GCLM: variants seen among roughly 807,000 people sequenced by gnomAD.
GCLM encodes the protein glutamate--cysteine ligase regulatory subunit.
GCLM carries 15 observed loss-of-function variants against 36.0 expected under a neutral mutation model. The observed-to-expected ratio is 0.42, with a 90% confidence interval of 0.28 to 0.64. The LOEUF is 0.64. GCLM is among the 30% of genes least tolerant of loss of function. The pLI is 0.25. For synonymous variants in GCLM, 129 were observed against 122.8 expected, an observed-to-expected ratio of 1.05 and a Z score of -0.34; for missense variants, 242 against 325.5, an observed-to-expected ratio of 0.74 and a Z score of 1.97.
rs540778133 is a variant in GCLM, at chr1:93,902,331, G to C, written c.193-662C>G. On this transcript the variant is annotated intron_variant, in intron 2 of 6. Coordinates refer to ENST00000370238, the MANE Select transcript of GCLM (RefSeq NM_002061.4). ...GTAGCTGGGACTACAGGTGCACGCC[G>C]CCACGCCTGACTAATTTTTTGTATT... is the stretch of plus-strand genomic sequence containing the variant. 1.2e-4 allele frequency among the ~76,000 whole-genome samples: 18 copies of C among 151,926 alleles called. 2 individuals are homozygous for C. Among genetic ancestry groups the C allele is most frequent in the African/African-American group, 4.1e-4 (17 of 41,428 alleles).
intron 5 of GCLM, among the ~76,000 whole-genome samples, chr1:93,895,485 A>C (rs1326776580): frequency 6.6e-6 from 1 of 152,248 alleles, no homozygotes; most frequent in African/African-American, 2.4e-5. Flanking sequence ...CTTTAATGTT[A>C]AAGTATAAAA....
chr1:93,889,202 G>A, intron 6 of GCLM, 43 bp from the exon 7 acceptor site: 2 of 1,433,886 alleles, frequency 1.4e-6, no homozygotes, highest in Admixed American at 2.9e-5. Context: ...GTGTTAAATT[G>A]GAAAACAAAA....
At chr1:93,892,518 G>C (rs1394135567) in intron 6 of GCLM, among the ~76,000 whole-genome samples, 1 of 152,090 alleles carries the variant, frequency 6.6e-6, no homozygotes, top group African/African-American at 2.4e-5. Flanking sequence ...ATTAAATCGA[G>C]AGTTGCTTCA....
At chr1:93,898,509 T>C (rs1303774972) in intron 3 of GCLM, among the ~76,000 whole-genome samples, 1 of 152,118 alleles carries the variant, frequency 6.6e-6, no homozygotes, top group African/African-American at 2.4e-5. Context: ...TCTTTACTTT[T>C]AAAAATTTTT....
At chr1:93,899,596 T>C in intron 3 of GCLM, among the ~76,000 whole-genome samples, 1 of 152,346 alleles carries the variant, frequency 6.6e-6, no homozygotes. Context: ...TTAGAAATGT[T>C]ATTATGAGTC....
chr1:93,886,689 T>C lies in GCLM; in HGVS notation c.*2301A>G, dbSNP rs893306563. 6.6e-5 allele frequency: 10 copies of C among 151,870 alleles called. No individual in the cohort carries two copies. The highest frequency in any genetic ancestry group is 1.5e-4 in the Non-Finnish European group (10 of 67,980). The allele number at this position is 151,870 out of a possible 1,614,324, so 9.4% of individuals were successfully genotyped here. A position where few individuals can be genotyped will look rare whatever the true frequency, so the allele number is the denominator to read the frequency against. On this transcript the variant is annotated 3_prime_UTR_variant, in exon 7 of 7. Transcript: ENST00000370238. ...GATACATTAGCAACTAAGTTTTTTT[T>C]TCCCCCACTTTCAAAATAACCCTTC...
chr1:93,909,012 C>T (rs1316437092), intron 1 of GCLM, 26 bp downstream of exon 1: 2 of 1,436,532 alleles, frequency 1.4e-6, no homozygotes, highest in Non-Finnish European at 1.8e-6. Context: ...CCCCGGGAGC[C>T]CCGCGGCGAG....
At chr1:93,896,946 T>C (rs768365000) in intron 4 of GCLM, 126 bp from the exon 5 acceptor site, 12 of 634,370 alleles carry the variant, frequency 1.9e-5, no homozygotes, top group Non-Finnish European at 3.1e-5. Flanking sequence ...TAACAGATTA[T>C]TTCATAGTTT....
Position 93,898,107 on chromosome 1 carries a change from AAT to A in GCLM, c.278-211_278-210del, listed in dbSNP as rs17882664. Among the ~76,000 whole-genome samples the A allele has an allele frequency of 7.9e-3, 1,206 of 152,152 alleles. 14 individuals carry two copies. Among genetic ancestry groups the A allele is most frequent in the African/African-American group, 0.028 (1,155 of 41,534 alleles). On this transcript the variant is annotated intron_variant, in intron 3 of 6. Transcript: ENST00000370238. The stretch of plus-strand genomic sequence containing the variant: ...TAAAATCATGTGCTAGTTGCCAACA[AAT>A]ATATGTTTATCAAAACAAAAAGTAA...
intron 1 of GCLM, among the ~76,000 whole-genome samples, chr1:93,907,601 T>C (rs958303019): frequency 2.0e-5 from 3 of 152,160 alleles, no homozygotes; most frequent in African/African-American, 4.8e-5. Flanking sequence ...ATAATATCAA[T>C]ATACGTGCAA....
At chr1:93,904,375 G>A in intron 2 of GCLM, 148 bp downstream of exon 2, 1 of 659,736 alleles carries the variant, frequency 1.5e-6, no homozygotes, top group Non-Finnish European at 2.8e-6. Flanking sequence ...AAGCCTACTG[G>A]ATCAGAGTGC....
chr1:93,898,835 G>C (rs979205352), intron 3 of GCLM, among the ~76,000 whole-genome samples: 1 of 151,922 alleles, frequency 6.6e-6, no homozygotes, highest in Non-Finnish European at 1.5e-5. Context: ...TGTTGCCCAG[G>C]GGCTCTTGAA....
rs1423987183 is a variant in GCLM, at chr1:93,909,374, T to TGGCTGC, written c.-217_-212dup. On this transcript the variant is annotated 5_prime_UTR_variant, in exon 1 of 7. Coordinates refer to ENST00000370238, the MANE Select transcript of GCLM (RefSeq NM_002061.4). ...CGGCGGCGGGAAAGGAAGGCACCGG[T>TGGCTGC]GGCTGCGGCTCCGGCTCCGGCTACT... The TGGCTGC allele has an allele frequency of 3.3e-6, 3 of 906,096 alleles. No individual in the cohort carries two copies. In the East Asian group the frequency reaches 3.1e-4, roughly 94 times the overall value. 56.1% of individuals were successfully genotyped at this position (906,096 alleles called of 1,614,324 possible).
intron 3 of GCLM, 34 bp from the exon 4 acceptor site, chr1:93,897,932 AT>A (rs1450870753): frequency 8.4e-7 from 1 of 1,195,406 alleles, no homozygotes; most frequent in African/African-American, 1.6e-5. Flanking sequence ...TGATTACTAC[AT>A]TTGGATACAC....
In GCLM at chr1:93,888,224, T is replaced by C. The variant is rs988654788; in HGVS notation, c.*766A>G. ...TTGAGGATTCTTGAATGAGTAGCAATATATACTATGGATGGATCAATAATT... is the reference window on the plus strand; with the variant it reads ...TTGAGGATTCTTGAATGAGTAGCAACATATACTATGGATGGATCAATAATT... On this transcript the variant is annotated 3_prime_UTR_variant, in exon 7 of 7. Transcript: ENST00000370238. 4 of 152,220 alleles carry C rather than the reference T, an allele frequency of 2.6e-5. No individual in the cohort carries two copies. Among genetic ancestry groups the C allele is most frequent in the African/African-American group, 9.6e-5 (4 of 41,452 alleles). The allele number at this position is 152,220 out of a possible 1,614,324, so 9.4% of individuals were successfully genotyped here.
At chr1:93,891,784 C>T (rs1241189992) in intron 6 of GCLM, among the ~76,000 whole-genome samples, 6 of 152,194 alleles carry the variant, frequency 3.9e-5, no homozygotes, top group African/African-American at 1.4e-4. Context: ...TACTCCCAAA[C>T]TGCTGTGATA....
chr1:93,887,732 T>C lies in GCLM; in HGVS notation c.*1258A>G, dbSNP rs984038398. The C allele has an allele frequency of 2.0e-5, 3 of 152,276 alleles. No homozygotes were observed. Among genetic ancestry groups the C allele is most frequent in the African/African-American group, 7.2e-5 (3 of 41,542 alleles). 9.4% of individuals were successfully genotyped at this position (152,276 alleles called of 1,614,324 possible). On this transcript the variant is annotated 3_prime_UTR_variant, in exon 7 of 7. Transcript: ENST00000370238. ...ATCTGCCCACCTCGGCCTCCCAAAG[T>C]GCTGGGATTACAGGTGTGAGCCACT...
At chr1:93,889,187 C>A in intron 6 of GCLM, 28 bp from the exon 7 acceptor site, 1 of 1,504,188 alleles carries the variant, frequency 6.6e-7, no homozygotes, top group Non-Finnish European at 8.9e-7. Context: ...AAACAAAACT[C>A]CAGCGTGTTA....
intron 6 of GCLM, among the ~76,000 whole-genome samples, 172 bp from the exon 7 acceptor site, chr1:93,889,331 T>C (rs1265058667): frequency 1.3e-5 from 2 of 152,158 alleles, no homozygotes; most frequent in African/African-American, 2.4e-5. Flanking sequence ...TATTAGAAAT[T>C]CCCAGGCAGT....
Sources: gnomAD v4.1 joint callset for allele counts (sites outside exome capture counted in the v4.1 genomes callset) on GRCh38, gnomAD v4.1.1 for gene constraint, MANE v1.5 for transcripts, NCBI Gene and HGNC (gene_info 2026-07-23, HGNC 2026-07-21) for gene names.